The following CLNK variants were observed in gnomAD, a reference collection of about 807,000 sequenced individuals.
CLNK encodes the protein cytokine dependent hematopoietic cell linker, also known as cytokine-dependent hematopoietic cell linker.
A neutral mutation model predicts 68.6 loss-of-function variants in CLNK; 74 were observed. That is an observed-to-expected ratio of 1.08 (90% CI 0.89 to 1.31). The LOEUF (loss-of-function observed/expected upper bound fraction) is 1.31. Ranked by LOEUF, CLNK falls within the 50% of genes most tolerant of loss-of-function variation. CLNK has a pLI of 0.00. For missense variants in CLNK, 553 were observed against 515.3 expected (o/e 1.07, Z -0.71); for synonymous variants, 198 against 172.2 (o/e 1.15, Z -1.17).
chr4:10,705,140 G>C, the CLNK span, among the ~76,000 whole-genome samples: 2 of 152,202 alleles, frequency 1.3e-5, no homozygotes, highest in Non-Finnish European at 2.9e-5. Flanking sequence ...TTGCATATAA[G>C]CTTATGTAAA....
chr4:10,634,242 C>T (rs192827106), intron 2 of CLNK, among the ~76,000 whole-genome samples: 1 of 152,280 alleles, frequency 6.6e-6, no homozygotes, highest in East Asian at 1.9e-4. Context: ...AATATTTGCC[C>T]TGAAAAAGTG....
intron 1 of CLNK, among the ~76,000 whole-genome samples, chr4:10,679,235 T>C (rs1724995877): frequency 6.6e-6 from 1 of 152,178 alleles, no homozygotes; most frequent in Non-Finnish European, 1.5e-5. Flanking sequence ...ATCTGATCTT[T>C]GACAAACCTG....
intron 2 of CLNK, among the ~76,000 whole-genome samples, chr4:10,637,860 C>G (rs1020300169): frequency 6.6e-6 from 1 of 151,886 alleles, no homozygotes; most frequent in Non-Finnish European, 1.5e-5. Context: ...CCTCAGCCTC[C>G]CAAAGTGCTG....
Position 10,630,951 on chromosome 4 carries a change from C to T in CLNK, c.12-32902G>A, listed in dbSNP as rs537198162. Among the ~76,000 whole-genome samples, 4 of 152,238 alleles carry T rather than the reference C, an allele frequency of 2.6e-5. No individual in the cohort carries two copies. In the East Asian group the frequency reaches 7.7e-4, roughly 29 times the overall value. ...AAATGGATGGAGAAATAAATAAGGG[C>T]TGTACTGATATTATTTACAGAATGT... is the stretch of plus-strand genomic sequence containing the variant. On this transcript the variant is annotated intron_variant, in intron 2 of 18. Coordinates refer to ENST00000226951, the MANE Select transcript of CLNK (RefSeq NM_052964.4).
chr4:10,542,619 G>A (rs988584969), intron 8 of CLNK, among the ~76,000 whole-genome samples: 5 of 150,994 alleles, frequency 3.3e-5, no homozygotes, highest in Non-Finnish European at 5.9e-5. Context: ...TCCTGTTTAC[G>A]CTTAATGTGC....
At chr4:10,718,557 AG>A in the CLNK span, among the ~76,000 whole-genome samples, 1 of 151,646 alleles carries the variant, frequency 6.6e-6, no homozygotes, top group Non-Finnish European at 1.5e-5. Flanking sequence ...AATATCTTTC[AG>A]GAATGAAGGA....
chr4:10,551,238 G>T (rs1719438722), intron 8 of CLNK, among the ~76,000 whole-genome samples: 1 of 151,944 alleles, frequency 6.6e-6, no homozygotes, highest in African/African-American at 2.4e-5. Flanking sequence ...GTAAATATAT[G>T]CAAGACCACC....
chr4:10,662,247 G>A (rs746002493), intron 2 of CLNK, among the ~76,000 whole-genome samples: 17 of 152,170 alleles, frequency 1.1e-4, no homozygotes, highest in Admixed American at 8.5e-4. Context: ...AACTCTATAG[G>A]TAGCAACTTA....
intron 16 of CLNK, among the ~76,000 whole-genome samples, chr4:10,511,384 T>C (rs991232071): frequency 2.6e-4 from 39 of 152,232 alleles, no homozygotes; most frequent in Admixed American, 1.1e-3. Flanking sequence ...TTTACCATTT[T>C]AACCATTTTT....
intron 4 of CLNK, among the ~76,000 whole-genome samples, chr4:10,583,537 G>A (rs1319956676): frequency 6.6e-6 from 1 of 152,058 alleles, no homozygotes; most frequent in Middle Eastern, 3.2e-3. Context: ...CGCCTGCTTT[G>A]GCCTCCCAAA....
At chr4:10,512,101 C>T (rs1458070288) in intron 16 of CLNK, among the ~76,000 whole-genome samples, 1 of 152,168 alleles carries the variant, frequency 6.6e-6, no homozygotes, top group Non-Finnish European at 1.5e-5. Flanking sequence ...TATGAGGAAT[C>T]TGGGATCTGG....
chr4:10,725,510 C>G, the CLNK span, among the ~76,000 whole-genome samples: 10 of 152,244 alleles, frequency 6.6e-5, no homozygotes, highest in East Asian at 1.7e-3. Context: ...TGACTACCCC[C>G]CCATAAATCC....
At chr4:10,526,363 C>T (rs1351299045) in intron 13 of CLNK, among the ~76,000 whole-genome samples, 3 of 152,036 alleles carry the variant, frequency 2.0e-5, no homozygotes, top group Admixed American at 6.5e-5. Flanking sequence ...AGACATGGTT[C>T]GTACATTCTA....
the CLNK span, among the ~76,000 whole-genome samples, chr4:10,699,242 A>ACACACACACCACG: frequency 2.5e-4 from 14 of 56,960 alleles, no homozygotes; most frequent in African/African-American, 4.1e-4. Flanking sequence ...ATACACACAC[A>ACACACACACCACG]TACACACCAC....
At position 10,672,866 on chromosome 4, in the gene CLNK, T is replaced by G. The variant is rs1724706587; in HGVS notation, c.-42-4955A>C. Among the ~76,000 whole-genome samples, 3 of 152,188 alleles carry G rather than the reference T, an allele frequency of 2.0e-5. No homozygotes were observed. The South Asian group carries it at 6.2e-4, about 31-fold the overall frequency. ...TTGTCAGTGAACACACCGATTTTTC[T>G]CATTCTTATGGAAAGCACCAAATAA... On this transcript the variant is annotated intron_variant, in intron 1 of 18. Coordinates refer to ENST00000226951, the MANE Select transcript of CLNK (RefSeq NM_052964.4).
intron 3 of CLNK, among the ~76,000 whole-genome samples, chr4:10,597,133 G>A (rs1426270514): frequency 3.3e-5 from 5 of 152,148 alleles, no homozygotes; most frequent in African/African-American, 4.8e-5. Context: ...TTCCAAGACC[G>A]CTTATAGTGT....
At chr4:10,579,029 G>C (rs1720682607) in intron 4 of CLNK, among the ~76,000 whole-genome samples, 2 of 152,226 alleles carry the variant, frequency 1.3e-5, no homozygotes, top group African/African-American at 2.4e-5. Context: ...TGTGGTGTAA[G>C]AGAACCAGGG....
intron 1 of CLNK, among the ~76,000 whole-genome samples, chr4:10,670,955 A>T (rs1279493094): frequency 6.6e-6 from 1 of 152,242 alleles, no homozygotes; most frequent in African/African-American, 2.4e-5. Context: ...TGGTAATATC[A>T]GTGCTTATTA....
At chr4:10,609,424 A>C (rs1372063305) in intron 2 of CLNK, among the ~76,000 whole-genome samples, 3 of 152,212 alleles carry the variant, frequency 2.0e-5, no homozygotes, top group African/African-American at 7.2e-5. Context: ...TCTGACTCAC[A>C]GTAAGGCCCT....
Sources: gnomAD v4.1 joint callset for allele counts (sites outside exome capture counted in the v4.1 genomes callset) on GRCh38, gnomAD v4.1.1 for gene constraint, MANE v1.5 for transcripts, NCBI Gene and HGNC (gene_info 2026-07-23, HGNC 2026-07-21) for gene names.